The following BCAS3 variants were observed in gnomAD, a reference collection of about 807,000 sequenced individuals.
BCAS3 encodes the protein BCAS3 microtubule associated cell migration factor.
BCAS3 carries 53 observed loss-of-function variants against 116.1 expected under a neutral mutation model. The ratio of observed to expected loss-of-function variants is 0.46; its 90% CI spans 0.37 to 0.57. The LOEUF is 0.57. Among genes scored for constraint, BCAS3 ranks in the 20% least tolerant of loss-of-function variants. BCAS3 has a pLI of 0.00. For missense variants in BCAS3, 917 were observed against 1,165.4 expected, an observed-to-expected ratio of 0.79 and a Z score of 3.10; for synonymous variants, 391 against 408.2, an observed-to-expected ratio of 0.96 and a Z score of 0.51.
At chr17:60,787,767 C>T (rs1392672987) in intron 6 of BCAS3, among the ~76,000 whole-genome samples, 2 of 152,068 alleles carry the variant, frequency 1.3e-5, no homozygotes, top group South Asian at 2.1e-4. Flanking sequence ...GTATTTCCAA[C>T]CAGAGAGGAG....
Position 61,181,278 on chromosome 17 carries a change from A to G in BCAS3, c.2425+96714A>G, listed in dbSNP as rs1295114337. On this transcript the variant is annotated intron_variant, in intron 22 of 23. Transcript: ENST00000407086. This position sits in a 1 kb window ranked among gnomAD's most constrained non-coding sequence, Gnocchi z 5.0. ...GATGATTCGTTCCTTGCCTAAGCCC[A>G]TGCTTACATGCTAAGGCCTGAAACT... Among the ~76,000 whole-genome samples, 2 of 152,214 alleles carry G rather than the reference A, an allele frequency of 1.3e-5. No individual in the cohort carries two copies. Among genetic ancestry groups the G allele is most frequent in the South Asian group, 2.1e-4 (1 of 4,836 alleles).
At chr17:60,750,234 C>T (rs1453019151) in intron 6 of BCAS3, among the ~76,000 whole-genome samples, 2 of 151,646 alleles carry the variant, frequency 1.3e-5, no homozygotes, top group African/African-American at 4.8e-5. Context: ...CCTGTATGAT[C>T]ATCTCAATAG....
At position 61,380,705 on chromosome 17, in the gene BCAS3, T is replaced by C; in HGVS notation, c.2594-11272T>C. ...TAGGGAGGGCAGGGGTCAGCTCAGA[T>C]GGGAGGTCTCTTCTGGAAGGGGACT... On this transcript the variant is annotated intron_variant, in intron 23 of 23. Transcript: ENST00000407086. This position sits in a 1 kb window ranked among gnomAD's most constrained non-coding sequence, Gnocchi z 4.2. 1 of 741,552 alleles carries C rather than the reference T, an allele frequency of 1.3e-6. No individual in the cohort carries two copies. The highest frequency in any genetic ancestry group is 2.7e-5 in the East Asian group (1 of 37,008). The allele number at this position is 741,552 out of a possible 1,614,324, so 45.9% of individuals were successfully genotyped here. A position where few individuals can be genotyped will look rare whatever the true frequency, so the allele number is the denominator to read the frequency against.
At chr17:61,287,670 G>A (rs1240804667) in intron 22 of BCAS3, among the ~76,000 whole-genome samples, 2 of 152,078 alleles carry the variant, frequency 1.3e-5, no homozygotes, top group South Asian at 2.1e-4. Flanking sequence ...CGGCTACAGT[G>A]AGCCAAGATG....
At position 60,976,508 on chromosome 17, in the gene BCAS3, A is replaced by G. The variant is rs560115035; in HGVS notation, c.1222-13463A>G. ...GGAGAGGGGGATTTGGCAGGGTCAT[A>G]GGACAATAGTGGAGGGAAGGTCAGC... is the stretch of plus-strand genomic sequence containing the variant. On this transcript the variant is annotated intron_variant, in intron 14 of 23. Coordinates refer to ENST00000407086, the MANE Select transcript of BCAS3 (RefSeq NM_017679.5). Among the ~76,000 whole-genome samples, 5 of 151,980 alleles carry G rather than the reference A, an allele frequency of 3.3e-5. No homozygotes were observed. In the East Asian group the frequency reaches 7.7e-4, roughly 24 times the overall value.
At chr17:61,101,747 G>A (rs1442880297) in intron 22 of BCAS3, among the ~76,000 whole-genome samples, 1 of 151,986 alleles carries the variant, frequency 6.6e-6, no homozygotes, top group Non-Finnish European at 1.5e-5. Context: ...GGTTTGTTTT[G>A]TGTGATGTAT....
Position 60,748,175 on chromosome 17 carries a change from C to G in BCAS3, c.403+896C>G, listed in dbSNP as rs2042164589. 2.0e-5 allele frequency among the ~76,000 whole-genome samples: 3 copies of G among 152,058 alleles called. No homozygotes were observed. In the South Asian group the frequency reaches 6.2e-4, roughly 31 times the overall value. ...TATAAGACTTCTTGTAGCAGCTAAT[C>G]CTCTAAATTTGTGAGAAAGATGTTT... On this transcript the variant is annotated intron_variant, in intron 6 of 23. Coordinates refer to ENST00000407086, the MANE Select transcript of BCAS3 (RefSeq NM_017679.5).
chr17:61,160,140 G>A (rs1601642519), intron 22 of BCAS3, among the ~76,000 whole-genome samples: 1 of 149,820 alleles, frequency 6.7e-6, no homozygotes, highest in African/African-American at 2.4e-5. Flanking sequence ...ACAAGGAAAT[G>A]CCATTCACTA....
In BCAS3 at chr17:61,368,945, A is replaced by G. The variant is rs1025175220; in HGVS notation, c.2593+451A>G. Reference sequence around the variant, plus strand: ...TTTCAGCCCCTACCAGCTTTTCCTCATGCTGCCTTTGGCCTTGCATTCTTG... The same window carrying G: ...TTTCAGCCCCTACCAGCTTTTCCTCGTGCTGCCTTTGGCCTTGCATTCTTG... On this transcript the variant is annotated intron_variant, in intron 23 of 23. Transcript: ENST00000407086. The surrounding 1 kb of genome is among the most constrained non-coding windows in gnomAD (Gnocchi z 6.0). 1.7e-4 allele frequency among the ~76,000 whole-genome samples: 26 copies of G among 152,102 alleles called. No homozygotes were observed. Among genetic ancestry groups the G allele is most frequent in the African/African-American group, 5.8e-4 (24 of 41,422 alleles).
chr17:60,727,049 A>T (rs1052285756), intron 5 of BCAS3: 30 of 245,344 alleles, frequency 1.2e-4, no homozygotes, highest in African/African-American at 5.9e-4. Flanking sequence ...AACAGACTTT[A>T]AAAAAAAATT....
At chr17:60,923,721 A>G (rs932633869) in intron 12 of BCAS3, among the ~76,000 whole-genome samples, 1 of 152,214 alleles carries the variant, frequency 6.6e-6, no homozygotes, top group African/African-American at 2.4e-5. Context: ...ATGGGAAATT[A>G]TATGGAATGT....
Position 61,228,628 on chromosome 17 carries a change from C to T in BCAS3, c.2426-139699C>T, listed in dbSNP as rs909158392. Among the ~76,000 whole-genome samples, 26 of 152,166 alleles carry T rather than the reference C, an allele frequency of 1.7e-4. No homozygotes were observed. Among genetic ancestry groups the T allele is most frequent in the Middle Eastern group, 3.2e-3 (1 of 316 alleles). ...TTTATCTGTGGTCAGTGATCTTTGA[C>T]GTTACTATTGTAATCGTTTGGGGGC... On this transcript the variant is annotated intron_variant, in intron 22 of 23. Transcript: ENST00000407086. The surrounding 1 kb of genome is among the most constrained non-coding windows in gnomAD (Gnocchi z 5.0).
At chr17:60,931,984 G>C (rs1280670180) in intron 13 of BCAS3, among the ~76,000 whole-genome samples, 1 of 151,984 alleles carries the variant, frequency 6.6e-6, no homozygotes, top group Non-Finnish European at 1.5e-5. Context: ...GAGGCAGGGG[G>C]ATTGCTTAAG....
At chr17:61,301,187 G>T (rs1045330937) in intron 22 of BCAS3, among the ~76,000 whole-genome samples, 7 of 152,170 alleles carry the variant, frequency 4.6e-5, no homozygotes, top group Non-Finnish European at 1.0e-4. Flanking sequence ...TGTACATATT[G>T]TCCATACCTG....
chr17:61,110,640 C>T (rs1231746096), intron 22 of BCAS3, among the ~76,000 whole-genome samples: 1 of 152,116 alleles, frequency 6.6e-6, no homozygotes, highest in Non-Finnish European at 1.5e-5. Context: ...TGAGATCAAA[C>T]TGCAAGGCGG....
At chr17:61,044,916 CA>C (rs2067903715) in intron 19 of BCAS3, among the ~76,000 whole-genome samples, 1 of 151,706 alleles carries the variant, frequency 6.6e-6, no homozygotes, top group African/African-American at 2.4e-5. Context: ...CACACGCCAC[CA>C]CACCTGGCTA....
At chr17:60,771,903 G>A (rs2044750249) in intron 6 of BCAS3, among the ~76,000 whole-genome samples, 1 of 152,152 alleles carries the variant, frequency 6.6e-6, no homozygotes. Flanking sequence ...TTTTATGGCT[G>A]CATAGTATTC....
chr17:60,678,463 G>C (rs1297816530), intron 1 of BCAS3, among the ~76,000 whole-genome samples: 2 of 152,112 alleles, frequency 1.3e-5, no homozygotes, highest in African/African-American at 4.8e-5. Context: ...ATTGCTGTCA[G>C]TCCTCTTTTA....
chr17:61,155,063 C>G (rs2077755455), intron 22 of BCAS3, among the ~76,000 whole-genome samples: 1 of 152,074 alleles, frequency 6.6e-6, no homozygotes, highest in Non-Finnish European at 1.5e-5. Context: ...TGAGACATGT[C>G]AGGCATCGTG....
Sources: allele counts gnomAD v4.1 joint callset (sites outside exome capture counted in the v4.1 genomes callset), GRCh38; gene constraint gnomAD v4.1.1; non-coding constraint Gnocchi (gnomAD v3.1); transcripts MANE v1.5; gene names NCBI Gene and HGNC (gene_info 2026-07-23, HGNC 2026-07-21).